INSL6: variants seen among roughly 807,000 people sequenced by gnomAD.
INSL6 encodes the protein insulin-like peptide INSL6.
INSL6 carries 16 observed loss-of-function variants against 9.4 expected under a neutral mutation model. The observed-to-expected ratio is 1.70, with a 90% CI of 1.15 to 2.59. INSL6 has a LOEUF of 2.59. INSL6 is among the 30% of genes most tolerant of loss of function. The pLI is 0.00. For missense variants in INSL6, 391 were observed against 257.3 expected (o/e 1.52, Z -3.56); for synonymous variants, 154 against 96.9 (o/e 1.59, Z -3.46).
the INSL6 span, among the ~76,000 whole-genome samples, chr9:5,025,138 AT>A: frequency 2.6e-4 from 39 of 147,644 alleles, no homozygotes; most frequent in East Asian, 1.2e-3. Context: ...GTTTTTACTC[AT>A]TTTTTTTTTC....
the INSL6 span, among the ~76,000 whole-genome samples, chr9:5,029,544 C>G: frequency 6.6e-6 from 1 of 151,796 alleles, no homozygotes; most frequent in Non-Finnish European, 1.5e-5. Context: ...GAAAAAAACC[C>G]CACAATATCT....
chr9:5,121,945 G>A (rs1468664331), downstream of INSL6, among the ~76,000 whole-genome samples: 1 of 152,076 alleles, frequency 6.6e-6, no homozygotes, highest in Non-Finnish European at 1.5e-5. Context: ...TCCCCTTGTG[G>A]AATAAAACTA....
chr9:5,006,292 G>T, the INSL6 span, among the ~76,000 whole-genome samples: 4 of 152,122 alleles, frequency 2.6e-5, no homozygotes, highest in Admixed American at 6.5e-5. Context: ...TTGGCTCTCT[G>T]TGTGTTATTG....
At chr9:5,080,669 G>A in the INSL6 span, 3 of 1,582,944 alleles carry the variant, frequency 1.9e-6, no homozygotes, top group South Asian at 2.4e-5. Flanking sequence ...GATCTTAACA[G>A]TTTGTTTACT....
At chr9:5,166,676 T>A (rs781209908) in intron 1 of INSL6, among the ~76,000 whole-genome samples, 8 of 151,798 alleles carry the variant, frequency 5.3e-5, no homozygotes, top group Non-Finnish European at 1.0e-4. Context: ...GTAGTCAGAG[T>A]TATCACCTTC....
chr9:5,006,305 G>A, the INSL6 span, among the ~76,000 whole-genome samples: 2 of 152,176 alleles, frequency 1.3e-5, no homozygotes, highest in Non-Finnish European at 2.9e-5. Context: ...TGTTATTGGT[G>A]TATAAGAATG....
chr9:5,140,225 A>G (rs921847460), intron 2 of INSL6, among the ~76,000 whole-genome samples: 6 of 152,174 alleles, frequency 3.9e-5, no homozygotes, highest in Non-Finnish European at 8.8e-5. Flanking sequence ...AGTGAATGAC[A>G]CCAACTAAAG....
chr9:5,150,274 C>A (rs1381514553), intron 2 of INSL6, among the ~76,000 whole-genome samples: 2 of 152,128 alleles, frequency 1.3e-5, no homozygotes, highest in Non-Finnish European at 2.9e-5. Context: ...TAGAAAGCCT[C>A]TGCACAGCAA....
chr9:5,143,972 T>G (rs926714856), intron 2 of INSL6, among the ~76,000 whole-genome samples: 3 of 152,210 alleles, frequency 2.0e-5, no homozygotes, highest in Admixed American at 6.5e-5. Flanking sequence ...TGGTTGATCT[T>G]TCGAATCATT....
chr9:5,089,197 A>AGAT, the INSL6 span, among the ~76,000 whole-genome samples: 1 of 152,156 alleles, frequency 6.6e-6, no homozygotes, highest in East Asian at 1.9e-4. Context: ...CCACCTGTTG[A>AGAT]GATAGTATTT....
the INSL6 span, among the ~76,000 whole-genome samples, chr9:5,115,053 G>C: frequency 6.6e-6 from 1 of 152,276 alleles, no homozygotes; most frequent in Non-Finnish European, 1.5e-5. Flanking sequence ...GGCAACAAAA[G>C]CCAAAATAGA....
chr9:5,065,962 G>A, the INSL6 span, among the ~76,000 whole-genome samples: 1 of 152,082 alleles, frequency 6.6e-6, no homozygotes, highest in African/African-American at 2.4e-5. Flanking sequence ...TGAACTTTAT[G>A]TCTGTAATTT....
At chr9:5,010,121 C>A in the INSL6 span, among the ~76,000 whole-genome samples, 2 of 152,116 alleles carry the variant, frequency 1.3e-5, no homozygotes, top group Non-Finnish European at 2.9e-5. Flanking sequence ...CATTCTAGTC[C>A]TATCTACTTT....
At chr9:5,115,757 T>C in the INSL6 span, among the ~76,000 whole-genome samples, 115 of 152,318 alleles carry the variant, frequency 7.5e-4, no homozygotes, top group Admixed American at 1.3e-3. Context: ...TCATGTCCTT[T>C]GCAGGGACAA....
chr9:5,136,629 T>A (rs1250244314), intron 2 of INSL6, among the ~76,000 whole-genome samples: 1 of 152,116 alleles, frequency 6.6e-6, no homozygotes, highest in Non-Finnish European at 1.5e-5. Flanking sequence ...CTCAAAATCA[T>A]AAGAGCTATT....
At chr9:5,056,964 A>C in the INSL6 span, among the ~76,000 whole-genome samples, 1 of 152,194 alleles carries the variant, frequency 6.6e-6, no homozygotes, top group Admixed American at 6.5e-5. Flanking sequence ...TGTGACACTA[A>C]CTTCTTTGCT....
At chr9:5,079,457 A>G in the INSL6 span, among the ~76,000 whole-genome samples, 2 of 151,718 alleles carry the variant, frequency 1.3e-5, no homozygotes, top group African/African-American at 2.4e-5. Context: ...TTTTGGTGCA[A>G]TTTAGCCTTC....
the INSL6 span, among the ~76,000 whole-genome samples, chr9:5,012,321 G>T: frequency 6.6e-6 from 1 of 152,050 alleles, no homozygotes; most frequent in Non-Finnish European, 1.5e-5. Flanking sequence ...CCCCCGATTT[G>T]TATCTGCTTT....
At chr9:5,159,552 A>G (rs1824880747), downstream of INSL6, among the ~76,000 whole-genome samples, 1 of 152,214 alleles carries the variant, frequency 6.6e-6, no homozygotes, top group South Asian at 2.1e-4. Context: ...ATAAAAAGAG[A>G]GAAGATCATT....
Sources: allele counts gnomAD v4.1 joint callset (sites outside exome capture counted in the v4.1 genomes callset), GRCh38; gene constraint gnomAD v4.1.1; transcripts MANE v1.5; gene names NCBI Gene and HGNC (gene_info 2026-07-23, HGNC 2026-07-21).